RBMS3: variants seen among roughly 807,000 people sequenced by gnomAD.
RBMS3 encodes the protein RNA binding motif single stranded interacting protein 3, also known as RNA-binding motif, single-stranded-interacting protein 3.
Under a neutral mutation model 66.8 loss-of-function variants are expected in RBMS3, and 27 were observed. The ratio of observed to expected loss-of-function variants is 0.40; its 90% CI spans 0.30 to 0.56. The LOEUF (loss-of-function observed/expected upper bound fraction) is 0.56. RBMS3 is among the 20% of genes least tolerant of loss of function. The pLI, the probability that RBMS3 is intolerant of heterozygous loss-of-function variation, is 0.40. For synonymous variants in RBMS3, 188 were observed against 183.0 expected (o/e 1.03, Z -0.22); for missense variants, 513 against 549.5 (o/e 0.93, Z 0.66).
chr3:29,789,139 A>G (rs548858328), intron 6 of RBMS3, among the ~76,000 whole-genome samples: 4 of 152,208 alleles, frequency 2.6e-5, no homozygotes, highest in African/African-American at 9.6e-5. Flanking sequence ...TTTGTAAGTT[A>G]TTTATCTTGA....
chr3:29,527,522 C>T (rs889133330), intron 3 of RBMS3, among the ~76,000 whole-genome samples: 4 of 152,192 alleles, frequency 2.6e-5, no homozygotes, highest in African/African-American at 9.6e-5. Flanking sequence ...ATCTTAATTT[C>T]TATGTAAAAG....
chr3:29,540,951 T>G (rs2045732541), intron 3 of RBMS3, among the ~76,000 whole-genome samples: 1 of 152,172 alleles, frequency 6.6e-6, no homozygotes, highest in African/African-American at 2.4e-5. Flanking sequence ...TCCCCTAAAT[T>G]GCCTTATTAC....
At chr3:29,843,681 G>A in intron 6 of RBMS3, among the ~76,000 whole-genome samples, 1 of 152,152 alleles carries the variant, frequency 6.6e-6, no homozygotes, top group East Asian at 1.9e-4. Context: ...TCAGCTAGGA[G>A]CAGTGCCTCA....
chr3:29,549,578 T>C (rs950051957), intron 3 of RBMS3, among the ~76,000 whole-genome samples: 20 of 151,850 alleles, frequency 1.3e-4, no homozygotes, highest in Admixed American at 9.8e-4. Flanking sequence ...TTTTGTCTTT[T>C]TAGTAGAGAT....
chr3:29,844,995 T>C (rs2058744872), intron 6 of RBMS3, among the ~76,000 whole-genome samples: 1 of 152,166 alleles, frequency 6.6e-6, no homozygotes, highest in African/African-American at 2.4e-5. Flanking sequence ...TTGCAGCCTC[T>C]GAGGACATGA....
In RBMS3 at chr3:29,838,228, A is replaced by G. The variant is rs568207563; in HGVS notation, c.638-30630A>G. On this transcript the variant is annotated intron_variant, in intron 6 of 14. Transcript: ENST00000383767. ...ATGGTGTGCACCTGAAATCCCACCT[A>G]CTGAGGAGGCCAGGGTGGGAGAATT... Among the ~76,000 whole-genome samples the G allele has an allele frequency of 2.1e-4, 32 of 150,860 alleles. No individual in the cohort carries two copies. The South Asian group carries it at 5.3e-3, about 25-fold the overall frequency.
At chr3:29,968,148 G>A (rs756608859) in intron 12 of RBMS3, among the ~76,000 whole-genome samples, 2 of 152,122 alleles carry the variant, frequency 1.3e-5, no homozygotes, top group Non-Finnish European at 2.9e-5. Context: ...GTATCCCAGA[G>A]GTTTTGATAT....
intron 4 of RBMS3, among the ~76,000 whole-genome samples, chr3:29,716,263 G>C (rs2053389441): frequency 6.6e-6 from 1 of 152,092 alleles, no homozygotes; most frequent in Non-Finnish European, 1.5e-5. Flanking sequence ...CCACAATTAA[G>C]ATATCTGGGC....
chr3:29,305,685 G>C (rs912677943), intron 1 of RBMS3, among the ~76,000 whole-genome samples: 2 of 151,946 alleles, frequency 1.3e-5, no homozygotes, highest in Non-Finnish European at 1.5e-5. Flanking sequence ...TAGTGTTCCA[G>C]GAGGCACCTT....
At chr3:29,502,850 T>C (rs2044029730) in intron 3 of RBMS3, among the ~76,000 whole-genome samples, 1 of 152,114 alleles carries the variant, frequency 6.6e-6, no homozygotes, top group African/African-American at 2.4e-5. Flanking sequence ...ATACTTTCTC[T>C]TACTCTCAGG....
intron 6 of RBMS3, among the ~76,000 whole-genome samples, chr3:29,777,440 A>G (rs2056465802): frequency 6.6e-6 from 1 of 151,920 alleles, no homozygotes; most frequent in South Asian, 2.1e-4. Flanking sequence ...TATTGCCTTA[A>G]TTCTCTCTTA....
chr3:29,517,307 G>GTA (rs1316391438), intron 3 of RBMS3, among the ~76,000 whole-genome samples: 1 of 104,796 alleles, frequency 9.5e-6, no homozygotes, highest in Non-Finnish European at 2.0e-5. Flanking sequence ...GTGTGTGTGT[G>GTA]TATATATATA....
chr3:29,517,315 ATATATT>A (rs2044673828), intron 3 of RBMS3, among the ~76,000 whole-genome samples: 1 of 128,058 alleles, frequency 7.8e-6, no homozygotes, highest in Non-Finnish European at 1.6e-5. Flanking sequence ...GTGTATATAT[ATATATT>A]TTTTTTTTGT....
intron 2 of RBMS3, among the ~76,000 whole-genome samples, chr3:29,461,858 A>G (rs1337089833): frequency 6.8e-6 from 1 of 147,428 alleles, no homozygotes; most frequent in African/African-American, 2.5e-5. Flanking sequence ...GGTTCATGCC[A>G]TTCTCCTGCC....
intron 4 of RBMS3, among the ~76,000 whole-genome samples, chr3:29,660,345 TA>T (rs1386550624): frequency 2.0e-5 from 3 of 152,350 alleles, no homozygotes; most frequent in African/African-American, 7.2e-5. Context: ...TCTGAGAGTG[TA>T]GCCACAACCA....
At chr3:29,771,481 A>C (rs575673021) in intron 6 of RBMS3, among the ~76,000 whole-genome samples, 1 of 152,158 alleles carries the variant, frequency 6.6e-6, no homozygotes, top group Non-Finnish European at 1.5e-5. Context: ...TGGTCCTCTA[A>C]AGATCTGTAA....
chr3:29,623,289 A>C (rs1576381186), intron 4 of RBMS3, among the ~76,000 whole-genome samples: 2 of 152,022 alleles, frequency 1.3e-5, no homozygotes, highest in South Asian at 4.2e-4. Context: ...CAATGAGTAA[A>C]CATTATAAAA....
chr3:29,992,748 A>AT (rs1698969507), intron 14 of RBMS3, among the ~76,000 whole-genome samples: 1 of 152,186 alleles, frequency 6.6e-6, no homozygotes, highest in Non-Finnish European at 1.5e-5. Context: ...GCTAACCTAA[A>AT]TTGACAGGAT....
chr3:29,308,765 A>T (rs1266737851), intron 1 of RBMS3, among the ~76,000 whole-genome samples: 1 of 149,406 alleles, frequency 6.7e-6, no homozygotes, highest in Non-Finnish European at 1.5e-5. Context: ...ACAAAAAAAA[A>T]AACGGGAAAG....
Sources: allele counts gnomAD v4.1 joint callset (sites outside exome capture counted in the v4.1 genomes callset), GRCh38; gene constraint gnomAD v4.1.1; transcripts MANE v1.5; gene names NCBI Gene and HGNC (gene_info 2026-07-23, HGNC 2026-07-21).